Variants in NAV3 observed in about 807,000 individuals in gnomAD.
NAV3 encodes the protein neuron navigator 3, also known as pore membrane and/or filament interacting like protein 1.
Under a neutral mutation model 244.7 loss-of-function variants are expected in NAV3, and 87 were observed. That is an observed-to-expected ratio of 0.36 (90% CI 0.30 to 0.42). The LOEUF is 0.42. Ranked by LOEUF, NAV3 falls within the 20% of genes least tolerant of loss-of-function variation. NAV3 has a pLI of 1.00. For missense variants in NAV3, 2,663 were observed against 2,893.3 expected, an observed-to-expected ratio of 0.92 and a Z score of 1.83; for synonymous variants, 1,126 against 1,042.2, an observed-to-expected ratio of 1.08 and a Z score of -1.55.
At chr12:78,046,846 C>T (rs71462121) in intron 9 of NAV3, among the ~76,000 whole-genome samples, 21,277 of 152,034 alleles carry the variant, frequency 0.14, 1,579 homozygotes, top group Middle Eastern at 0.21. Context: ...AAGTCTCCCA[C>T]TATTATTGTG....
chr12:78,168,236 A>T (rs1285432022), intron 23 of NAV3, among the ~76,000 whole-genome samples: 1 of 151,754 alleles, frequency 6.6e-6, no homozygotes, highest in Non-Finnish European at 1.5e-5. Flanking sequence ...ATTTAATAGG[A>T]ATTAGGGGTA....
chr12:78,195,835 T>C (rs1225183733), intron 34 of NAV3, among the ~76,000 whole-genome samples: 1 of 152,070 alleles, frequency 6.6e-6, no homozygotes, highest in Non-Finnish European at 1.5e-5. Context: ...TGATATCATT[T>C]GTAACATTTA....
rs111433825 is a variant in NAV3, at chr12:77,794,180, T to G, written c.73-146139T>G. On this transcript the variant is annotated intron_variant, in intron 2 of 8. Coordinates refer to the NAV3 transcript ENST00000550042. ...CTTTTTGCTGGGGATGTTTGTTTCT[T>G]GTCTTGTAAATTTTTTAAAGTTCCT... is the stretch of plus-strand genomic sequence containing the variant. Among the ~76,000 whole-genome samples the G allele has an allele frequency of 5.9e-3, 901 of 152,342 alleles. 9 individuals are homozygous for G. The highest frequency in any genetic ancestry group is 0.021 in the African/African-American group (867 of 41,580).
At chr12:77,724,108 T>C (rs902090864) in intron 2 of NAV3, among the ~76,000 whole-genome samples, 1 of 151,966 alleles carries the variant, frequency 6.6e-6, no homozygotes, top group African/African-American at 2.4e-5. Flanking sequence ...ATATTCTAGA[T>C]GCACATGTAA....
At chr12:77,963,625 A>G (rs895354295) in intron 3 of NAV3, among the ~76,000 whole-genome samples, 1 of 152,194 alleles carries the variant, frequency 6.6e-6, no homozygotes, top group Non-Finnish European at 1.5e-5. Context: ...TAATAGTCAT[A>G]TTGGAAACTG....
chr12:78,068,523 A>C (rs1952593826), intron 12 of NAV3, among the ~76,000 whole-genome samples: 1 of 150,102 alleles, frequency 6.7e-6, no homozygotes, highest in South Asian at 2.1e-4. Flanking sequence ...CAGTCATTTC[A>C]CATGTGTGAG....
At chr12:78,131,767 T>C (rs1956176580) in intron 18 of NAV3, among the ~76,000 whole-genome samples, 1 of 152,194 alleles carries the variant, frequency 6.6e-6, no homozygotes, top group Non-Finnish European at 1.5e-5. Context: ...TAGGTTATAT[T>C]GTAAAGAATG....
At chr12:77,945,909 T>G (rs1454299127) in intron 3 of NAV3, among the ~76,000 whole-genome samples, 1 of 151,482 alleles carries the variant, frequency 6.6e-6, no homozygotes, top group Non-Finnish European at 1.5e-5. Flanking sequence ...CCACCACACC[T>G]GGCTAATATT....
intron 2 of NAV3, among the ~76,000 whole-genome samples, chr12:77,737,523 G>T (rs1192910309): frequency 6.6e-6 from 1 of 151,998 alleles, no homozygotes; most frequent in Non-Finnish European, 1.5e-5. Flanking sequence ...AGATTCTGCT[G>T]TACACCGAGG....
Position 77,626,866 on chromosome 12 carries a change from A to G in NAV3, c.72+54600A>G, listed in dbSNP as rs527469864. ...ATATCTAATATAATGAAAACATACA[A>G]AAGTATAAAACTCACTAGTAGAACT... On this transcript the variant is annotated intron_variant, in intron 2 of 8. Coordinates refer to the NAV3 transcript ENST00000550042. 2.6e-5 allele frequency among the ~76,000 whole-genome samples: 4 copies of G among 152,278 alleles called. No homozygotes were observed. In the South Asian group the frequency reaches 8.3e-4, roughly 32 times the overall value.
chr12:77,930,310 A>G (rs566529087), intron 1 of NAV3, among the ~76,000 whole-genome samples: 6 of 152,262 alleles, frequency 3.9e-5, no homozygotes, highest in Middle Eastern at 3.4e-3. Flanking sequence ...ATTATTCACT[A>G]CCAGACTAAT....
chr12:77,880,377 T>C (rs537065944), intron 1 of NAV3, among the ~76,000 whole-genome samples: 2 of 152,292 alleles, frequency 1.3e-5, no homozygotes, highest in East Asian at 1.9e-4. Flanking sequence ...AGTAACTTCA[T>C]AGAGGCTCTA....
chr12:77,806,378 T>C (rs1871980750), intron 2 of NAV3, among the ~76,000 whole-genome samples: 1 of 152,206 alleles, frequency 6.6e-6, no homozygotes, highest in African/African-American at 2.4e-5. Context: ...TTTGTTCTCA[T>C]TGGTTTCAAA....
intron 1 of NAV3, among the ~76,000 whole-genome samples, chr12:77,872,502 G>A (rs180707004): frequency 6.8e-4 from 104 of 152,278 alleles, no homozygotes; most frequent in Non-Finnish European, 1.2e-3. Context: ...GTTTGGGGAA[G>A]GCCATGGTCT....
chr12:77,709,739 T>C (rs1876014028), intron 2 of NAV3, among the ~76,000 whole-genome samples: 1 of 152,210 alleles, frequency 6.6e-6, no homozygotes, highest in African/African-American at 2.4e-5. Context: ...TTATTTGCTG[T>C]CTTCTGTCTC....
intron 2 of NAV3, among the ~76,000 whole-genome samples, chr12:77,795,071 G>A (rs550393344): frequency 2.8e-4 from 42 of 152,268 alleles, no homozygotes; most frequent in Non-Finnish European, 4.1e-4. Flanking sequence ...TATTGAAGAA[G>A]GCACATTGAA....
Position 77,641,820 on chromosome 12 carries a change from G to C in NAV3, c.72+69554G>C, listed in dbSNP as rs143636641. On this transcript the variant is annotated intron_variant, in intron 2 of 8. Transcript: ENST00000550042. ...TGTTGAGCTGCAGTTGAGGCAAGCT[G>C]TTTCATTAGCTATATCCTACATTTA... Among the ~76,000 whole-genome samples, 16 of 152,210 alleles carry C rather than the reference G, an allele frequency of 1.1e-4. No individual in the cohort carries two copies. The East Asian group carries it at 2.9e-3, about 28-fold the overall frequency.
intron 2 of NAV3, among the ~76,000 whole-genome samples, chr12:77,585,534 G>C (rs1033538582): frequency 3.6e-4 from 55 of 152,260 alleles, no homozygotes; most frequent in African/African-American, 1.3e-3. Context: ...ACGGGGGAAG[G>C]GTATCGATGG....
At chr12:78,172,342 T>G (rs1958036077) in intron 24 of NAV3, among the ~76,000 whole-genome samples, 1 of 151,698 alleles carries the variant, frequency 6.6e-6, no homozygotes, top group African/African-American at 2.4e-5. Flanking sequence ...TATTAAACAC[T>G]GTGTACTGAT....
Sources: allele counts gnomAD v4.1 joint callset (sites outside exome capture counted in the v4.1 genomes callset), GRCh38; gene constraint gnomAD v4.1.1; transcripts MANE v1.5; gene names NCBI Gene and HGNC (gene_info 2026-07-23, HGNC 2026-07-21).